The following STX8 variants were observed in gnomAD, a reference collection of about 807,000 sequenced individuals.
The protein encoded by STX8 is syntaxin 8, also known as syntaxin-8.
Under a neutral mutation model 37.5 loss-of-function variants are expected in STX8, and 23 were observed. The ratio of observed to expected loss-of-function variants is 0.61; its 90% CI spans 0.44 to 0.87. The LOEUF (loss-of-function observed/expected upper bound fraction) is 0.87, where lower values mean the gene tolerates loss of function less well. Ranked by LOEUF, STX8 falls within the 40% of genes least tolerant of loss-of-function variation. STX8 has a pLI of 0.00. For synonymous variants in STX8, 115 were observed against 99.1 expected (o/e 1.16, Z -0.95); for missense variants, 313 against 284.7 (o/e 1.10, Z -0.71).
intron 7 of STX8, among the ~76,000 whole-genome samples, chr17:9,322,840 A>AAC (rs71135964): frequency 6.1e-4 from 80 of 130,252 alleles, no homozygotes; most frequent in Non-Finnish European, 1.1e-3. Context: ...AAAAAAAAAA[A>AAC]GAGGCAAAAC....
intron 7 of STX8, among the ~76,000 whole-genome samples, chr17:9,262,935 T>C (rs1907097962): frequency 6.6e-6 from 1 of 152,184 alleles, no homozygotes; most frequent in Non-Finnish European, 1.5e-5. Flanking sequence ...GCAACCAAGA[T>C]CTTTTAGCAG....
intron 6 of STX8, among the ~76,000 whole-genome samples, chr17:9,400,070 C>T (rs1912549299): frequency 6.9e-6 from 1 of 145,410 alleles, no homozygotes; most frequent in Admixed American, 6.8e-5. Flanking sequence ...TCTGCATAGG[C>T]AGTGGAATTA....
chr17:9,337,883 T>A (rs1910188774), intron 7 of STX8, among the ~76,000 whole-genome samples: 1 of 151,732 alleles, frequency 6.6e-6, no homozygotes, highest in Non-Finnish European at 1.5e-5. Flanking sequence ...TGGATCCTAG[T>A]CCATGGAAGA....
At chr17:9,339,645 G>C (rs1363894907) in intron 7 of STX8, among the ~76,000 whole-genome samples, 2 of 152,072 alleles carry the variant, frequency 1.3e-5, no homozygotes, top group Admixed American at 1.3e-4. Flanking sequence ...CTGGGCGACA[G>C]AGTGAGACAC....
At chr17:9,327,214 GAAGGAGGAAGAAGGAGGAAGGAGGACA>G (rs1315155551) in intron 7 of STX8, among the ~76,000 whole-genome samples, 48 of 149,942 alleles carry the variant, frequency 3.2e-4, no homozygotes, top group African/African-American at 1.1e-3. Context: ...GAAGGAGGAA[GAAGGAGGAAGAAGGAGGAAGGAGGACA>G]GAGGAGGAAG....
intron 4 of STX8, among the ~76,000 whole-genome samples, chr17:9,536,982 G>A (rs1324800699): frequency 4.6e-5 from 7 of 151,966 alleles, no homozygotes; most frequent in East Asian, 3.9e-4. Flanking sequence ...CCCTGACCTC[G>A]TGATCCACCC....
At chr17:9,561,411 C>A (rs893417346) in intron 2 of STX8, among the ~76,000 whole-genome samples, 4 of 152,066 alleles carry the variant, frequency 2.6e-5, no homozygotes, top group African/African-American at 9.7e-5. Flanking sequence ...GTAATCCCAG[C>A]ACTTTGGGAG....
At chr17:9,353,926 T>TA (rs66922110) in intron 7 of STX8, among the ~76,000 whole-genome samples, 1,638 of 152,178 alleles carry the variant, frequency 0.011, 32 homozygotes, top group African/African-American at 0.036. Context: ...CAAGTAATCC[T>TA]AAAAAAAGGT....
intron 7 of STX8, among the ~76,000 whole-genome samples, chr17:9,268,845 G>A (rs201270700): frequency 2.6e-4 from 40 of 152,322 alleles, no homozygotes; most frequent in South Asian, 8.3e-4. Flanking sequence ...CATGGTTGGC[G>A]TAAAAGCTGT....
intron 6 of STX8, among the ~76,000 whole-genome samples, chr17:9,440,758 A>G (rs969062039): frequency 6.6e-6 from 1 of 151,976 alleles, no homozygotes; most frequent in Non-Finnish European, 1.5e-5. Context: ...CTCCTGACCT[A>G]AGGTGATCCA....
In STX8 at chr17:9,546,957, AAC is replaced by A. The variant is rs562222539; in HGVS notation, c.213-1677_213-1676del. Among the ~76,000 whole-genome samples, 66 of 151,546 alleles carry A rather than the reference AAC, an allele frequency of 4.4e-4. 1 individual carries two copies. The South Asian group carries it at 0.014, about 31-fold the overall frequency. On this transcript the variant is annotated intron_variant, in intron 3 of 7. Transcript: ENST00000306357. The stretch of plus-strand genomic sequence containing the variant: ...TGTCTATGTGTGTGGTATGTTAAGA[AAC>A]ACAGAAGGGCTGGACGCGGTGGCTC...
At chr17:9,382,608 A>G (rs767334255) in intron 6 of STX8, among the ~76,000 whole-genome samples, 1 of 152,210 alleles carries the variant, frequency 6.6e-6, no homozygotes, top group Non-Finnish European at 1.5e-5. Context: ...AAGATGACAC[A>G]ACTATATACT....
In STX8 at chr17:9,276,628, GTTT is replaced by G. The variant is rs71361884; in HGVS notation, c.644-25986_644-25984del. ...CTTGTTTTTGTTTGTTTATTTGTTT[GTTT>G]TTTTTTTTTGGTTGTTGTTTTTGAG... On this transcript the variant is annotated intron_variant, in intron 7 of 7. Transcript: ENST00000306357. Among the ~76,000 whole-genome samples, 358 of 141,882 alleles carry G rather than the reference GTTT, an allele frequency of 2.5e-3. 4 individuals are homozygous for G. The highest frequency in any genetic ancestry group is 8.5e-3 in the African/African-American group (333 of 39,032). 93.1% of individuals were successfully genotyped at this position (141,882 alleles called of 152,430 possible).
chr17:9,566,616 A>T (rs1907470670), intron 2 of STX8, among the ~76,000 whole-genome samples: 1 of 151,982 alleles, frequency 6.6e-6, no homozygotes, highest in Middle Eastern at 3.2e-3. Context: ...GCGAAACCCC[A>T]TCTCTACTAA....
intron 7 of STX8, among the ~76,000 whole-genome samples, chr17:9,320,795 A>G (rs772520639): frequency 6.6e-6 from 1 of 151,480 alleles, no homozygotes; most frequent in African/African-American, 2.4e-5. Context: ...CAGCTAGTCA[A>G]GAGGCTGAGG....
chr17:9,370,653 T>C (rs1911374213), intron 7 of STX8, among the ~76,000 whole-genome samples: 1 of 152,192 alleles, frequency 6.6e-6, no homozygotes, highest in Non-Finnish European at 1.5e-5. Context: ...TAGACAACAT[T>C]ACGTAATAGT....
At chr17:9,521,863 A>G (rs1016553051) in intron 4 of STX8, among the ~76,000 whole-genome samples, 1 of 152,248 alleles carries the variant, frequency 6.6e-6, no homozygotes. Flanking sequence ...AGGAAATTTC[A>G]CTATAGCACC....
chr17:9,324,954 T>C (rs76715558), intron 7 of STX8, among the ~76,000 whole-genome samples: 2,218 of 152,208 alleles, frequency 0.015, 62 homozygotes, highest in African/African-American at 0.05. Flanking sequence ...TTGAATTTTG[T>C]TATTTTCCTG....
chr17:9,489,705 T>A lies in STX8; in HGVS notation c.541+2124A>T, dbSNP rs1388430675. 2.0e-5 allele frequency among the ~76,000 whole-genome samples: 3 copies of A among 150,658 alleles called. 1 individual carries two copies. The highest frequency in any genetic ancestry group is 4.9e-5 in the African/African-American group (2 of 40,910). On this transcript the variant is annotated intron_variant, in intron 6 of 7. Transcript: ENST00000306357. ...AGCTTACTTTCCTTTTTTTTTTTTT[T>A]TGAGATGGATTGTCACTCTATCGCC...
Sources: gnomAD v4.1 joint callset for allele counts (sites outside exome capture counted in the v4.1 genomes callset) on GRCh38, gnomAD v4.1.1 for gene constraint, MANE v1.5 for transcripts, NCBI Gene and HGNC (gene_info 2026-07-23, HGNC 2026-07-21) for gene names.